The following GRIFIN variants were observed in gnomAD, a reference collection of about 807,000 sequenced individuals.
The protein encoded by GRIFIN is galectin-related inter-fiber protein, also known as putative grifin.
GRIFIN carries 22 observed loss-of-function variants against 18.2 expected under a neutral mutation model. That is an observed-to-expected ratio of 1.21 (90% CI 0.86 to 1.73). The LOEUF (loss-of-function observed/expected upper bound fraction) is 1.73. Ranked by LOEUF, GRIFIN falls within the 40% of genes most tolerant of loss-of-function variation. The pLI is 0.00. For missense variants in GRIFIN, 200 were observed against 190.1 expected, an observed-to-expected ratio of 1.05 and a Z score of -0.31; for synonymous variants, 101 against 82.8, an observed-to-expected ratio of 1.22 and a Z score of -1.19.
At chr7:2,475,510 C>G (rs1436144057) in intron 3 of GRIFIN, 159 bp downstream of exon 3, 1 of 1,175,054 alleles carries the variant, frequency 8.5e-7, no homozygotes, top group African/African-American at 1.6e-5. Flanking sequence ...TGGTGGGTAC[C>G]TACTGCACAC....
At position 2,475,203 on chromosome 7, in the gene GRIFIN, C is replaced by A; in HGVS notation, c.357G>T (p.Val119=). ...CCAGGCAGTGGTCACTCAGCACGCG[C>A]ACCCTGGTGGTGGCGCCCAGCGGCC... ...RQRPLGATTR[V]RVLSDHCLAQ... is the part of the protein sequence containing the mutation. Residue 119 remains valine, a synonymous_variant, in exon 4 of 5, where the codon GTG becomes GTT. Coordinates refer to ENST00000614228, the MANE Select transcript of GRIFIN (RefSeq NM_001394787.1). The A allele has an allele frequency of 1.3e-6, 2 of 1,595,760 alleles. No individual in the cohort carries two copies. Among genetic ancestry groups the A allele is most frequent in the Non-Finnish European group, 1.7e-6 (2 of 1,178,500 alleles).
At chr7:2,476,256 A>C in intron 1 of GRIFIN, 116 bp downstream of exon 1, 3 of 1,295,136 alleles carry the variant, frequency 2.3e-6, no homozygotes, top group Non-Finnish European at 3.2e-6. Context: ...CTCAGCCCTG[A>C]GATCTGATGA....
chr7:2,475,394 C>A, intron 3 of GRIFIN, 87 bp from the exon 4 acceptor site: 1 of 1,465,936 alleles, frequency 6.8e-7, no homozygotes, highest in South Asian at 1.3e-5. Flanking sequence ...GCCTGCCGGC[C>A]GTCTCCAGGA....
At chr7:2,476,246 C>T in intron 1 of GRIFIN, 126 bp downstream of exon 1, 1 of 1,252,084 alleles carries the variant, frequency 8.0e-7, no homozygotes, top group Admixed American at 2.1e-5. Context: ...CTGACGCCCT[C>T]TCAGCCCTGA....
chr7:2,475,261 T>TA lies in GRIFIN; in HGVS notation c.298_299insT (p.Glu100ValfsTer25). On this transcript the variant is annotated frameshift_variant, in exon 4 of 5. Transcript: ENST00000614228. LOFTEE classifies it high-confidence loss of function. ...GCATGGGAACTGTAGCACCTTGTGC[T>TA]CCGGGGCGTAGACGTGGAAGTGCTC... 6.3e-7 allele frequency: 1 copy of TA among 1,597,148 alleles called. No individual in the cohort carries two copies. The highest frequency in any genetic ancestry group is 8.5e-7 in the Non-Finnish European group (1 of 1,179,088).
At chr7:2,475,873 C>T (rs758666933) in intron 2 of GRIFIN, 45 bp from the exon 3 acceptor site, 24 of 1,586,936 alleles carry the variant, frequency 1.5e-5, no homozygotes, top group Middle Eastern at 1.7e-4. Flanking sequence ...AGAGCTGGGC[C>T]GGCCACCCAG....
At position 2,475,232 on chromosome 7, in the gene GRIFIN, G is replaced by T. The variant is rs1014185858; in HGVS notation, c.328C>A (p.Gln110Lys). The change falls in exon 4 of 5, where the codon CAG (glutamine) becomes AAG (lysine). Residue 110 changes from glutamine to lysine, a missense_variant. Physicochemically the swap from Gln to Lys is moderately conservative, Grantham distance 53 (BLOSUM62 1). Coordinates refer to ENST00000614228, the MANE Select transcript of GRIFIN (RefSeq NM_001394787.1). ...CTGGTGGTGGCGCCCAGCGGCCTCT[G>T]ACGGCATGGGAACTGTAGCACCTTG... ...EHKVLQFPCR[Q>K]RPLGATTRVR... 1.9e-6 allele frequency: 3 copies of T among 1,597,170 alleles called. No homozygotes were observed. The highest frequency in any genetic ancestry group is 1.7e-5 in the Admixed American group (1 of 59,792).
At chr7:2,475,339 C>T in intron 3 of GRIFIN, 32 bp from the exon 4 acceptor site, 1 of 1,569,900 alleles carries the variant, frequency 6.4e-7, no homozygotes, top group Non-Finnish European at 8.6e-7. Flanking sequence ...ACCTCAGTGC[C>T]AGCCCCCAGG....
intron 1 of GRIFIN, 126 bp from the exon 2 acceptor site, chr7:2,476,125 C>G: frequency 3.4e-6 from 3 of 874,540 alleles, no homozygotes; most frequent in Admixed American, 2.4e-5. Context: ...CAACCCAGTG[C>G]CAGACATAGG....
Position 2,475,218 on chromosome 7 carries a change from G to T in GRIFIN, c.342C>A (p.Gly114=). The change falls in exon 4 of 5, where the codon GGC becomes GGA. Residue 114 remains glycine, a synonymous_variant. Coordinates refer to ENST00000614228, the MANE Select transcript of GRIFIN (RefSeq NM_001394787.1). ...TCAGCACGCGCACCCTGGTGGTGGC[G>T]CCCAGCGGCCTCTGACGGCATGGGA... The part of the protein sequence containing the change: ...LQFPCRQRPL[G]ATTRVRVLSD... 6.3e-7 allele frequency: 1 copy of T among 1,596,502 alleles called. No homozygotes were observed. The highest frequency in any genetic ancestry group is 8.5e-7 in the Non-Finnish European group (1 of 1,178,792).
Position 2,475,911 on chromosome 7 carries a change from GC to G in GRIFIN, c.92+8del, listed in dbSNP as rs1287521182. 4 of 1,597,622 alleles carry G rather than the reference GC, an allele frequency of 2.5e-6. No individual in the cohort carries two copies. The highest frequency in any genetic ancestry group is 3.4e-6 in the Non-Finnish European group (4 of 1,179,170). On this transcript the variant is annotated splice_region_variant and intron_variant, in intron 2 of 4. Coordinates refer to ENST00000614228, the MANE Select transcript of GRIFIN (RefSeq NM_001394787.1). Reference sequence around the variant, plus strand: ...CAAGGCCCAGCGAGGGGAGGGCGGTGCCGCTGACCTGTCCTCTCCAGAGTCA... The same window carrying G: ...CAAGGCCCAGCGAGGGGAGGGCGGTGCGCTGACCTGTCCTCTCCAGAGTCA...
Position 2,475,267 on chromosome 7 carries a change from G to A in GRIFIN, c.293C>T (p.Ala98Val), listed in dbSNP as rs765587615. The change falls in exon 4 of 5, where the codon GCC becomes GTC. Residue 98 changes from alanine (A) to valine (V), a missense_variant. Ala to Val is a moderately conservative substitution (Grantham distance 64). Transcript: ENST00000614228. ...GAACTGTAGCACCTTGTGCTCCGGGGCGTAGACGTGGAAGTGCTCCGCGTC... is the reference window on the plus strand; with the variant it reads ...GAACTGTAGCACCTTGTGCTCCGGGACGTAGACGTGGAAGTGCTCCGCGTC... ...SWDAEHFHVYAPEHKVLQFPC... is the reference protein window; with the variant it reads ...SWDAEHFHVYVPEHKVLQFPC... 11 of 1,596,726 alleles carry A rather than the reference G, an allele frequency of 6.9e-6. No homozygotes were observed. Among genetic ancestry groups the A allele is most frequent in the East Asian group, 6.7e-5 (3 of 44,784 alleles).
Position 2,475,794 on chromosome 7 carries a change from T to C in GRIFIN, c.127A>G (p.Ile43Val), listed in dbSNP as rs1168208795. ...ETNFLLETGD[I>V]AFHIKPRFSS... ...AACCGGGGCTTGATGTGGAAGGCAA[T>C]GTCCCCCGTCTCCAACAAGAAGTTA... Residue 43 changes from isoleucine to valine, a missense_variant, in exon 3 of 5, where the codon ATT becomes GTT. By Grantham distance (29) the Ile-to-Val change is conservative. Coordinates refer to ENST00000614228, the MANE Select transcript of GRIFIN (RefSeq NM_001394787.1). The C allele has an allele frequency of 6.4e-7, 1 of 1,574,270 alleles. No individual in the cohort carries two copies. The highest frequency in any genetic ancestry group is 2.3e-5 in the East Asian group (1 of 44,112).
Position 2,475,215 on chromosome 7 carries a change from G to A in GRIFIN, c.345C>T (p.Ala115=), listed in dbSNP as rs1380754164. Residue 115 remains alanine (A), a synonymous_variant, in exon 4 of 5, where the codon GCC becomes GCT. Coordinates refer to ENST00000614228, the MANE Select transcript of GRIFIN (RefSeq NM_001394787.1). ...QFPCRQRPLG[A]TTRVRVLSDH... The stretch of plus-strand genomic sequence containing the variant: ...CACTCAGCACGCGCACCCTGGTGGT[G>A]GCGCCCAGCGGCCTCTGACGGCATG... 1.9e-6 allele frequency: 3 copies of A among 1,596,400 alleles called. No individual in the cohort carries two copies. The highest frequency in any genetic ancestry group is 1.1e-5 in the South Asian group (1 of 90,478).
intron 1 of GRIFIN, 22 bp downstream of exon 1, chr7:2,476,350 C>T (rs764566306): frequency 6.4e-7 from 1 of 1,571,840 alleles, no homozygotes; most frequent in Non-Finnish European, 8.6e-7. Flanking sequence ...TTCTCCTTCT[C>T]CAGGTCCAGG....
At chr7:2,476,220 T>TG in intron 1 of GRIFIN, 152 bp downstream of exon 1, 1 of 510,124 alleles carries the variant, frequency 2.0e-6, no homozygotes, top group Non-Finnish European at 2.5e-6. Flanking sequence ...AGGCCAGCTC[T>TG]GGGGGGACCT....
At chr7:2,475,438 C>T in intron 3 of GRIFIN, 131 bp from the exon 4 acceptor site, 1 of 1,302,004 alleles carries the variant, frequency 7.7e-7, no homozygotes, top group Non-Finnish European at 1.0e-6. Context: ...GGTCCCTTGG[C>T]TTGGAGCCCC....
Position 2,475,954 on chromosome 7 carries a change from G to A in GRIFIN, c.58C>T (p.Leu20=). The A allele has an allele frequency of 6.3e-7, 1 of 1,598,310 alleles. No individual in the cohort carries two copies. Among genetic ancestry groups the A allele is most frequent in the Non-Finnish European group, 8.5e-7 (1 of 1,179,672 alleles). ...CCAGAGTCAGCATGTCCCTGGACCA[G>A]CAGCTTCCAGCCGGGGGCCAGGCCG... is the stretch of plus-strand genomic sequence containing the variant. ...AGGLAPGWKL[L]VQGHADSGED... is the part of the protein sequence containing the mutation. The change falls in exon 2 of 5, where the codon CTG becomes TTG. Residue 20 remains leucine, a synonymous_variant. Coordinates refer to ENST00000614228, the MANE Select transcript of GRIFIN (RefSeq NM_001394787.1).
At chr7:2,476,103 C>G in intron 1 of GRIFIN, 104 bp from the exon 2 acceptor site, 1 of 992,712 alleles carries the variant, frequency 1.0e-6, no homozygotes, top group Non-Finnish European at 1.5e-6. Context: ...CCCTGCCCAC[C>G]CAGCCTGCCC....
Sources: allele counts gnomAD v4.1 joint callset, GRCh38; gene constraint gnomAD v4.1.1; transcripts MANE v1.5; gene names NCBI Gene and HGNC (gene_info 2026-07-23, HGNC 2026-07-21).